Variants in STXBP5L observed in about 807,000 individuals in gnomAD.
The protein encoded by STXBP5L is syntaxin binding protein 5L, also known as syntaxin-binding protein 5-like.
STXBP5L carries 65 observed loss-of-function variants against 144.5 expected under a neutral mutation model. That is an observed-to-expected ratio of 0.45 (90% CI 0.37 to 0.55). The LOEUF is 0.55. STXBP5L is among the 20% of genes least tolerant of loss of function. The pLI is 0.00. For synonymous variants in STXBP5L, 505 were observed against 469.6 expected (o/e 1.08, Z -0.97); for missense variants, 1,298 against 1,405.5 (o/e 0.92, Z 1.22).
chr3:120,998,382 AG>A (rs1456118068), intron 3 of STXBP5L, among the ~76,000 whole-genome samples: 3 of 148,580 alleles, frequency 2.0e-5, no homozygotes, highest in Admixed American at 7.0e-5. Flanking sequence ...TCTTTGGCAA[AG>A]TTTTTTTTTA....
At chr3:121,092,028 A>G (rs147295121) in intron 5 of STXBP5L, among the ~76,000 whole-genome samples, 18,246 of 152,200 alleles carry the variant, frequency 0.12, 1,147 homozygotes, top group Non-Finnish European at 0.14. Context: ...TTTATTAAAT[A>G]GGGAATACTT....
intron 18 of STXBP5L, among the ~76,000 whole-genome samples, chr3:121,263,657 G>A (rs1044644901): frequency 2.6e-5 from 4 of 151,812 alleles, no homozygotes; most frequent in Non-Finnish European, 2.9e-5. Context: ...AATACAGCAC[G>A]TGAAGCATAC....
intron 5 of STXBP5L, among the ~76,000 whole-genome samples, chr3:121,079,437 C>T (rs572015338): frequency 7.2e-5 from 11 of 152,310 alleles, no homozygotes; most frequent in Non-Finnish European, 1.5e-4. Context: ...GGTTCACTGT[C>T]CACAGCGAGA....
chr3:121,322,262 T>C (rs913317363), intron 20 of STXBP5L, among the ~76,000 whole-genome samples: 1 of 152,182 alleles, frequency 6.6e-6, no homozygotes, highest in Non-Finnish European at 1.5e-5. Flanking sequence ...GCGGATCACC[T>C]GAGGTTGGGG....
intron 3 of STXBP5L, among the ~76,000 whole-genome samples, chr3:121,020,145 G>A (rs893548364): frequency 3.9e-5 from 6 of 152,012 alleles, no homozygotes; most frequent in African/African-American, 7.2e-5. Context: ...GGAAAGGCTC[G>A]GCAATAATAT....
intron 5 of STXBP5L, among the ~76,000 whole-genome samples, chr3:121,092,009 C>T (rs1281395409): frequency 1.3e-5 from 2 of 152,020 alleles, no homozygotes; most frequent in Non-Finnish European, 2.9e-5. Context: ...GCCTGTTTTC[C>T]CAGCACCGTT....
At chr3:121,268,049 C>T (rs994832270) in intron 18 of STXBP5L, among the ~76,000 whole-genome samples, 1 of 152,124 alleles carries the variant, frequency 6.6e-6, no homozygotes, top group African/African-American at 2.4e-5. Flanking sequence ...CCAGCAATCC[C>T]ATTACTGGAT....
At chr3:121,076,064 T>C (rs1441378881) in intron 5 of STXBP5L, among the ~76,000 whole-genome samples, 1 of 152,128 alleles carries the variant, frequency 6.6e-6, no homozygotes, top group African/African-American at 2.4e-5. Flanking sequence ...AAGAGATCAG[T>C]AGTAGAGAAG....
At chr3:120,943,997 C>G (rs1248932524) in intron 2 of STXBP5L, among the ~76,000 whole-genome samples, 4 of 151,164 alleles carry the variant, frequency 2.6e-5, no homozygotes, top group African/African-American at 9.7e-5. Flanking sequence ...TAGTGATAAG[C>G]ACATAAAAAC....
chr3:121,155,537 T>C (rs2046084482), intron 8 of STXBP5L, among the ~76,000 whole-genome samples: 1 of 151,960 alleles, frequency 6.6e-6, no homozygotes, highest in Non-Finnish European at 1.5e-5. Flanking sequence ...CTAGCTAGTA[T>C]TTTATGTTTA....
chr3:121,407,405 C>A lies in STXBP5L; in HGVS notation c.2750C>A (p.Ser917Tyr). The A allele has an allele frequency of 1.2e-6, 2 of 1,613,078 alleles. No individual in the cohort carries two copies. Among genetic ancestry groups the A allele is most frequent in the Non-Finnish European group, 8.5e-7 (1 of 1,179,374 alleles). Residue 917 changes from serine (S) to tyrosine (Y), a missense_variant, in exon 23 of 27, where the codon TCC (serine) becomes TAC (tyrosine). Transcript: ENST00000471454. ...RKVVMNSSSA[S>Y]QEIGDHQYTI... ...GTGGTAATGAACTCATCTTCTGCAT[C>A]CCAAGAAATAGGAGATCATCAGTAT...
intron 3 of STXBP5L, among the ~76,000 whole-genome samples, chr3:121,016,537 A>T (rs1945159010): frequency 6.6e-6 from 1 of 152,238 alleles, no homozygotes; most frequent in African/African-American, 2.4e-5. Flanking sequence ...ATAGATAAAT[A>T]GAAACTTCTC....
chr3:121,011,178 C>T (rs1268679212), intron 3 of STXBP5L, among the ~76,000 whole-genome samples: 2 of 150,750 alleles, frequency 1.3e-5, no homozygotes, highest in African/African-American at 2.4e-5. Flanking sequence ...GAAACTATCC[C>T]GGTAACATTT....
At chr3:121,066,138 A>G (rs774064510) in intron 5 of STXBP5L, among the ~76,000 whole-genome samples, 22 of 152,172 alleles carry the variant, frequency 1.4e-4, no homozygotes, top group Non-Finnish European at 7.4e-5. Flanking sequence ...CAAGAATACT[A>G]TGAGGTGGGA....
chr3:121,293,136 A>G (rs901167180), intron 19 of STXBP5L, among the ~76,000 whole-genome samples: 7 of 152,256 alleles, frequency 4.6e-5, no homozygotes, highest in Non-Finnish European at 8.8e-5. Flanking sequence ...GCTCCGCAAT[A>G]AAAAAGAATA....
At chr3:121,178,930 T>C (rs2047036094) in intron 9 of STXBP5L, among the ~76,000 whole-genome samples, 1 of 152,080 alleles carries the variant, frequency 6.6e-6, no homozygotes, top group Non-Finnish European at 1.5e-5. Flanking sequence ...TTTTAATTTA[T>C]AGTGGGAATA....
At chr3:121,280,909 C>CTAA (rs150499478) in intron 19 of STXBP5L, among the ~76,000 whole-genome samples, 16,409 of 148,924 alleles carry the variant, frequency 0.11, 977 homozygotes, top group Non-Finnish European at 0.14. Flanking sequence ...GACCCCATCT[C>CTAA]TAATAATAAT....
chr3:121,136,102 T>C (rs1004837715), intron 7 of STXBP5L, among the ~76,000 whole-genome samples: 1 of 152,138 alleles, frequency 6.6e-6, no homozygotes, highest in Non-Finnish European at 1.5e-5. Flanking sequence ...CCTGGTGCCA[T>C]TCTCATCTTA....
At chr3:121,016,250 G>A (rs955218706) in intron 3 of STXBP5L, among the ~76,000 whole-genome samples, 2 of 152,168 alleles carry the variant, frequency 1.3e-5, no homozygotes, top group Admixed American at 1.3e-4. Context: ...AGATACAGCA[G>A]TTAACAGAAC....
Sources: allele counts gnomAD v4.1 joint callset (sites outside exome capture counted in the v4.1 genomes callset), GRCh38; gene constraint gnomAD v4.1.1; transcripts MANE v1.5; gene names NCBI Gene and HGNC (gene_info 2026-07-23, HGNC 2026-07-21).